The following FLYWCH1 variants were observed in gnomAD, a reference collection of about 807,000 sequenced individuals.
FLYWCH1 encodes FLYWCH-type zinc finger-containing protein 1.
A neutral mutation model predicts 66.4 loss-of-function variants in FLYWCH1; 75 were observed. The observed-to-expected ratio is 1.13, with a 90% CI of 0.94 to 1.37. The LOEUF is 1.37. FLYWCH1 is among the 40% of genes most tolerant of loss of function. The probability of loss-of-function intolerance (pLI) is 0.00; values close to 1 mark genes in which losing one functional copy is unlikely to be tolerated. For synonymous variants in FLYWCH1, 595 were observed against 429.9 expected, an observed-to-expected ratio of 1.38 and a Z score of -4.75; for missense variants, 1,334 against 1,001.8, an observed-to-expected ratio of 1.33 and a Z score of -4.48.
Position 2,933,472 on chromosome 16 carries a change from C to G in FLYWCH1, c.1139C>G (p.Pro380Arg). 2 of 1,604,742 alleles carry G rather than the reference C, an allele frequency of 1.2e-6. No individual in the cohort carries two copies. Among genetic ancestry groups the G allele is most frequent in the East Asian group, 2.3e-5 (1 of 44,430 alleles). ...DSLLYRRGPG[P>R]LTLTRPRPRK... is the part of the protein sequence containing the mutation. Reference sequence around the variant, plus strand: ...TTGCTCTACCGCAGGGGTCCGGGTCCCCTGACTCTCACCAGGCCTCGGCCC... The same window carrying G: ...TTGCTCTACCGCAGGGGTCCGGGTCGCCTGACTCTCACCAGGCCTCGGCCC... Residue 380 changes from proline to arginine, a missense_variant, in exon 5 of 10, where the codon CCC becomes CGC. Pro to Arg is a moderately radical substitution (Grantham distance 103). Transcript: ENST00000253928.
intron 2 of FLYWCH1, among the ~76,000 whole-genome samples, chr16:2,921,941 T>A (rs2070388727): frequency 6.6e-6 from 1 of 152,058 alleles, no homozygotes; most frequent in South Asian, 2.1e-4. Context: ...CGCGCGCCTG[T>A]AGTCCCAGCT....
At chr16:2,921,305 A>G (rs2070367170) in intron 2 of FLYWCH1, among the ~76,000 whole-genome samples, 1 of 150,738 alleles carries the variant, frequency 6.6e-6, no homozygotes, top group Non-Finnish European at 1.5e-5. Context: ...ATTGCTTTTA[A>G]TATATTCAGA....
In FLYWCH1 at chr16:2,917,809, G is replaced by A. The variant is rs573799520; in HGVS notation, c.-74+3520G>A. 5.3e-4 allele frequency among the ~76,000 whole-genome samples: 24 copies of A among 45,340 alleles called. No individual in the cohort carries two copies. The South Asian group carries it at 0.02, about 39-fold the overall frequency. The allele number at this position is 45,340 out of a possible 152,430, so 29.7% of individuals were successfully genotyped here. ...TTTGGCCTCCCTCTTCCCCTCCCCC[G>A]ATCCTCTCCCCACCCCCCAAAATCT... On this transcript the variant is annotated intron_variant, in intron 2 of 9. Transcript: ENST00000253928.
At chr16:2,945,738 C>T (rs908734298) in intron 9 of FLYWCH1, among the ~76,000 whole-genome samples, 2 of 151,932 alleles carry the variant, frequency 1.3e-5, no homozygotes, top group Non-Finnish European at 2.9e-5. Flanking sequence ...TGGCTCATGC[C>T]TGTAATCCCA....
In FLYWCH1 at chr16:2,934,862, A is replaced by G. The variant is rs184534796; in HGVS notation, c.1513+883A>G. The G allele has an allele frequency of 2.4e-3, 669 of 283,760 alleles. 1 individual carries two copies. The highest frequency in any genetic ancestry group is 3.7e-3 in the Non-Finnish European group (525 of 142,776). 17.6% of individuals were successfully genotyped at this position (283,760 alleles called of 1,614,324 possible). ...CTATTTCCTAAAATGTGCCTCCACT[A>G]CTATTAATTGGTTTTTCCATTTCCT... On this transcript the variant is annotated intron_variant, in intron 6 of 9. Coordinates refer to ENST00000253928, the MANE Select transcript of FLYWCH1 (RefSeq NM_001308068.2).
chr16:2,945,735 T>C (rs150646262), intron 9 of FLYWCH1, among the ~76,000 whole-genome samples: 4,110 of 151,480 alleles, frequency 0.027, 82 homozygotes, highest in African/African-American at 0.062. Context: ...CGGTGGCTCA[T>C]GCCTGTAATC....
At chr16:2,934,135 C>T (rs1363629461) in intron 6 of FLYWCH1, among the ~76,000 whole-genome samples, 156 bp downstream of exon 6, 2 of 152,102 alleles carry the variant, frequency 1.3e-5, no homozygotes, top group South Asian at 2.1e-4. Flanking sequence ...TACTCCTTGG[C>T]CCCCCTGATG....
At chr16:2,916,668 A>C (rs1445485558) in intron 2 of FLYWCH1, among the ~76,000 whole-genome samples, 2 of 151,924 alleles carry the variant, frequency 1.3e-5, no homozygotes, top group Non-Finnish European at 2.9e-5. Context: ...AAATAAAAAA[A>C]AGAAAAAAGA....
At chr16:2,928,822 A>G (rs1263113619) in intron 2 of FLYWCH1, 2 of 152,114 alleles carry the variant, frequency 1.3e-5, no homozygotes, top group Non-Finnish European at 2.9e-5. Context: ...CTGCCTCTCC[A>G]GGCTGGAACC....
intron 4 of FLYWCH1, among the ~76,000 whole-genome samples, 196 bp downstream of exon 4, chr16:2,931,076 G>A (rs1018853057): frequency 4.0e-5 from 6 of 151,592 alleles, no homozygotes; most frequent in African/African-American, 7.3e-5. Context: ...AGGCCAAGGC[G>A]GACGGATCAT....
Position 2,938,199 on chromosome 16 carries a change from T to G in FLYWCH1, c.1793T>G (p.Leu598Arg), listed in dbSNP as rs774301213. The change falls in exon 8 of 10, where the codon CTG becomes CGG. Residue 598 changes from leucine to arginine, a missense_variant. Coordinates refer to ENST00000253928, the MANE Select transcript of FLYWCH1 (RefSeq NM_001308068.2). ...QWDSPDPLRP[L>R]EFLRTSLGGR... ...TCCCTTTCAGATCCTCTCCGGCCCC[T>G]GGAGTTCCTGAGGACTTCCCTGGGG... 13 of 1,612,522 alleles carry G rather than the reference T, an allele frequency of 8.1e-6. No individual in the cohort carries two copies. The highest frequency in any genetic ancestry group is 5.9e-6 in the Non-Finnish European group (7 of 1,179,506).
intron 2 of FLYWCH1, among the ~76,000 whole-genome samples, chr16:2,925,578 G>GC (rs1348639459): frequency 1.5e-4 from 20 of 134,472 alleles, no homozygotes; most frequent in South Asian, 2.7e-4. Flanking sequence ...GAGTTGCGGG[G>GC]GGAGGGGGGT....
At chr16:2,931,824 C>T (rs1477855279) in intron 4 of FLYWCH1, among the ~76,000 whole-genome samples, 1 of 151,148 alleles carries the variant, frequency 6.6e-6, no homozygotes, top group African/African-American at 2.4e-5. Context: ...AAAAAACTAG[C>T]CTGGCGAGGC....
intron 2 of FLYWCH1, among the ~76,000 whole-genome samples, chr16:2,915,955 C>G (rs2070154286): frequency 6.6e-6 from 1 of 152,100 alleles, no homozygotes; most frequent in Admixed American, 6.6e-5. Context: ...TCATATTTGG[C>G]CTGATTATGT....
rs1380405350 is a variant in FLYWCH1 at position 2,917,160 on chromosome 16, A to G, written c.-74+2871A>G. 6.1e-5 allele frequency among the ~76,000 whole-genome samples: 8 copies of G among 131,300 alleles called. No individual in the cohort carries two copies. The South Asian group carries it at 2.0e-3, about 34-fold the overall frequency. The allele number at this position is 131,300 out of a possible 152,430, so 86.1% of individuals were successfully genotyped here. ...GAAAGAGCGAAACTCTGTCTCAAAA[A>G]TAAAAAAAAGTAAAAAAAATTTTTA... is the stretch of plus-strand genomic sequence containing the variant. On this transcript the variant is annotated intron_variant, in intron 2 of 9. Transcript: ENST00000253928.
In FLYWCH1 at chr16:2,949,708, G is replaced by C. The variant is rs1299680180; in HGVS notation, c.*981G>C. 1 of 152,012 alleles carries C rather than the reference G, an allele frequency of 6.6e-6. No homozygotes were observed. 9.4% of individuals were successfully genotyped at this position (152,012 alleles called of 1,614,324 possible). On this transcript the variant is annotated 3_prime_UTR_variant, in exon 10 of 10. Transcript: ENST00000253928. ...CAGCAACAGGCCTGTCCCCTGGCAA[G>C]TTGGCCACGGAACCCACCATGCACT...
chr16:2,933,173 C>T lies in FLYWCH1; in HGVS notation c.840C>T (p.Gly280=), dbSNP rs748281841. The change falls in exon 5 of 10, where the codon GGC becomes GGT. Residue 280 remains glycine, a synonymous_variant. Coordinates refer to ENST00000253928, the MANE Select transcript of FLYWCH1 (RefSeq NM_001308068.2). ...AGTTCCTGAGGACGTGCTACGGGGG[C>T]AGCTTCCTGGTACACGAGTCGTTCC... ...PLEFLRTCYG[G]SFLVHESFLY... The T allele has an allele frequency of 8.7e-6, 14 of 1,613,606 alleles. No individual in the cohort carries two copies. The highest frequency in any genetic ancestry group is 1.7e-5 in the Admixed American group (1 of 59,974).
intron 4 of FLYWCH1, 22 bp downstream of exon 4, chr16:2,930,902 G>A: frequency 6.5e-7 from 1 of 1,549,006 alleles, no homozygotes; most frequent in Non-Finnish European, 8.7e-7. Flanking sequence ...CCACTCCCCT[G>A]CTGCGTCCAC....
chr16:2,938,276 G>T lies in FLYWCH1; in HGVS notation c.1870G>T (p.Gly624Trp). The T allele has an allele frequency of 6.2e-7, 1 of 1,612,856 alleles. No individual in the cohort carries two copies. Among genetic ancestry groups the T allele is most frequent in the Non-Finnish European group, 8.5e-7 (1 of 1,179,492 alleles). ...CCTCTACAGGAAGGAGAAGGCGGCT[G>T]GGGAGAAGGTGTACTGGATGTGCCG... ...SFLYRKEKAA[G>W]EKVYWMCRDQ... Residue 624 changes from glycine (G) to tryptophan (W), a missense_variant, in exon 8 of 10, where the codon GGG (glycine) becomes TGG (tryptophan). Gly to Trp is a radical substitution (Grantham distance 184). Coordinates refer to ENST00000253928, the MANE Select transcript of FLYWCH1 (RefSeq NM_001308068.2).
Sources: allele counts gnomAD v4.1 joint callset (sites outside exome capture counted in the v4.1 genomes callset), GRCh38; gene constraint gnomAD v4.1.1; transcripts MANE v1.5; gene names NCBI Gene and HGNC (gene_info 2026-07-23, HGNC 2026-07-21).